The following OPALIN variants were observed in gnomAD, a reference collection of about 807,000 sequenced individuals.
The protein encoded by OPALIN is transmembrane protein 10.
A neutral mutation model predicts 17.8 loss-of-function variants in OPALIN; 15 were observed. The observed-to-expected ratio is 0.84, with a 90% CI of 0.56 to 1.29. The LOEUF (loss-of-function observed/expected upper bound fraction) is 1.29, where lower values mean the gene tolerates loss of function less well. OPALIN is among the 50% of genes most tolerant of loss of function. The pLI, the probability that OPALIN is intolerant of heterozygous loss-of-function variation, is 0.00. For synonymous variants in OPALIN, 62 were observed against 63.8 expected (o/e 0.97, Z 0.14); for missense variants, 170 against 176.0 (o/e 0.97, Z 0.19).
Position 96,346,026 on chromosome 10 carries a change from G to C in OPALIN, c.341C>G (p.Pro114Arg). The stretch of plus-strand genomic sequence containing the variant: ...AGTAGGACGGTAACGGTCATGCACA[G>C]GTTCCTCGCTTCCTGCTACAGTCTT... ...YVKTVAGSEE[P>R]VHDRYRPTIE... Residue 114 changes from proline (P) to arginine (R), a missense_variant, in exon 6 of 6, where the codon CCT (proline) becomes CGT (arginine). Physicochemically the swap from Pro to Arg is moderately radical, Grantham distance 103 (BLOSUM62 -2). Coordinates refer to ENST00000371172, the MANE Select transcript of OPALIN (RefSeq NM_033207.5). The C allele has an allele frequency of 3.1e-6, 5 of 1,614,168 alleles. No homozygotes were observed. Among genetic ancestry groups the C allele is most frequent in the Non-Finnish European group, 4.2e-6 (5 of 1,180,008 alleles).
In OPALIN at chr10:96,343,244, T is replaced by G. The variant is rs1486384176; in HGVS notation, c.*2697A>C. The G allele has an allele frequency of 6.6e-6, 1 of 152,288 alleles. No individual in the cohort carries two copies. Among genetic ancestry groups the G allele is most frequent in the Non-Finnish European group, 1.5e-5 (1 of 68,050 alleles). The allele number at this position is 152,288 out of a possible 1,614,324, so 9.4% of individuals were successfully genotyped here. On this transcript the variant is annotated 3_prime_UTR_variant, in exon 6 of 6. Transcript: ENST00000371172. ...TGTAGGTTCATAAGAATGGCCATTT[T>G]ACTTTTCACTTCATTCCAACATAAG...
intron 1 of OPALIN, chr10:96,357,204 A>T: frequency 1.0e-6 from 1 of 977,878 alleles, no homozygotes; most frequent in Non-Finnish European, 1.2e-6. Flanking sequence ...GGCACTGAGG[A>T]CTGATGTCAG....
At chr10:96,357,630 T>C (rs1164498496) in intron 1 of OPALIN, among the ~76,000 whole-genome samples, 1 of 152,202 alleles carries the variant, frequency 6.6e-6, no homozygotes, top group Non-Finnish European at 1.5e-5. Flanking sequence ...TAACTTGCCT[T>C]GCCCACTTCA....
At chr10:96,347,559 C>T (rs904242416) in intron 5 of OPALIN, among the ~76,000 whole-genome samples, 4 of 152,004 alleles carry the variant, frequency 2.6e-5, no homozygotes, top group Admixed American at 2.0e-4. Context: ...GCAACCTCCA[C>T]CTACCAGGTT....
chr10:96,347,514 C>A (rs1458892923), intron 5 of OPALIN, among the ~76,000 whole-genome samples: 1 of 151,936 alleles, frequency 6.6e-6, no homozygotes, highest in Non-Finnish European at 1.5e-5. Context: ...CTCTTGTCAC[C>A]CGGCTGGAGT....
chr10:96,345,781 T>A lies in OPALIN; in HGVS notation c.*160A>T. ...GAGTTGGAATTAACCATGTTGGGGA[T>A]GTCCCCTAAAGAGACAAATCAGCCC... On this transcript the variant is annotated 3_prime_UTR_variant, in exon 6 of 6. Transcript: ENST00000371172. 1 of 620,808 alleles carries A rather than the reference T, an allele frequency of 1.6e-6. No individual in the cohort carries two copies. Among genetic ancestry groups the A allele is most frequent in the East Asian group, 2.8e-5 (1 of 36,080 alleles). 38.5% of individuals were successfully genotyped at this position (620,808 alleles called of 1,614,324 possible).
At position 96,344,467 on chromosome 10, in the gene OPALIN, A is replaced by AG. The variant is rs1554924908; in HGVS notation, c.*1473dup. On this transcript the variant is annotated 3_prime_UTR_variant, in exon 6 of 6. Transcript: ENST00000371172. ...GAAGAGTACAGAAGAAAAAAAAAAA[A>AG]GGCTGGGGATGGATTGGAAAATGGG... The AG allele has an allele frequency of 6.7e-6, 1 of 150,076 alleles. No homozygotes were observed. 9.3% of individuals were successfully genotyped at this position (150,076 alleles called of 1,614,324 possible).
chr10:96,347,478 A>ATT (rs1381418014), intron 5 of OPALIN, among the ~76,000 whole-genome samples: 2 of 141,194 alleles, frequency 1.4e-5, no homozygotes, highest in South Asian at 4.5e-4. Context: ...ACACTTTCTA[A>ATT]TTTTTTTTTT....
chr10:96,357,055 G>A, intron 1 of OPALIN: 1 of 985,484 alleles, frequency 1.0e-6, no homozygotes, highest in Non-Finnish European at 1.2e-6. Flanking sequence ...AGGGACGTCT[G>A]GGCCTCTTAG....
chr10:96,346,947 T>A (rs75146134), intron 5 of OPALIN, among the ~76,000 whole-genome samples: 12,212 of 152,276 alleles, frequency 0.08, 662 homozygotes, highest in South Asian at 0.15. Flanking sequence ...TCACTTTTTC[T>A]AATTGTTGTT....
intron 2 of OPALIN, chr10:96,353,445 AC>A (rs1781573381): frequency 1.9e-6 from 3 of 1,613,192 alleles, no homozygotes; most frequent in Non-Finnish European, 2.5e-6. Flanking sequence ...AGGATGACCT[AC>A]CATCCGCATT....
chr10:96,347,077 T>TCTTC (rs1466540989), intron 5 of OPALIN, among the ~76,000 whole-genome samples: 1 of 152,006 alleles, frequency 6.6e-6, no homozygotes, highest in Non-Finnish European at 1.5e-5. Context: ...TTTCTTTCTT[T>TCTTC]CTTCCTTTCT....
chr10:96,358,399 A>G (rs1319812138), intron 1 of OPALIN, among the ~76,000 whole-genome samples: 2 of 152,160 alleles, frequency 1.3e-5, no homozygotes, highest in Non-Finnish European at 2.9e-5. Context: ...CCATTCATCC[A>G]CTGATGGACA....
intron 1 of OPALIN, chr10:96,357,244 G>T: frequency 1.4e-6 from 1 of 732,262 alleles, no homozygotes; most frequent in Non-Finnish European, 1.7e-6. Flanking sequence ...CCTTTGGGAG[G>T]ACAGTAGAAG....
Position 96,343,856 on chromosome 10 carries a change from A to T in OPALIN, c.*2085T>A. 1 of 152,184 alleles carries T rather than the reference A, an allele frequency of 6.6e-6. No individual in the cohort carries two copies. Among genetic ancestry groups the T allele is most frequent in the Non-Finnish European group, 1.5e-5 (1 of 68,044 alleles). The allele number at this position is 152,184 out of a possible 1,614,324, so 9.4% of individuals were successfully genotyped here. ...AATCAGAAGCCCTGTGTGAGAAAGG[A>T]ATATTTTCTAGGATATCTGTGTGGC... On this transcript the variant is annotated 3_prime_UTR_variant, in exon 6 of 6. Coordinates refer to ENST00000371172, the MANE Select transcript of OPALIN (RefSeq NM_033207.5).
chr10:96,350,801 G>C (rs1371891577), intron 3 of OPALIN, among the ~76,000 whole-genome samples: 1 of 152,116 alleles, frequency 6.6e-6, no homozygotes, highest in Non-Finnish European at 1.5e-5. Flanking sequence ...AGTTACATAA[G>C]TTTTCAGATT....
chr10:96,346,787 C>A (rs184288283), intron 5 of OPALIN, among the ~76,000 whole-genome samples: 289 of 152,266 alleles, frequency 1.9e-3, no homozygotes, highest in African/African-American at 6.4e-3. Context: ...GCATAGTATG[C>A]AACCCCCATT....
intron 1 of OPALIN, 76 bp from the exon 2 acceptor site, chr10:96,355,366 A>C: frequency 7.4e-7 from 1 of 1,357,134 alleles, no homozygotes; most frequent in South Asian, 1.2e-5. Flanking sequence ...AAACTCACTG[A>C]CCCTGGTGGA....
At position 96,351,185 on chromosome 10, in the gene OPALIN, C is replaced by T. The variant is rs11188729; in HGVS notation, c.72+193G>A. Among the ~76,000 whole-genome samples the T allele has an allele frequency of 8.3e-3, 1,265 of 152,192 alleles. 9 individuals are homozygous for T. Among genetic ancestry groups the T allele is most frequent in the African/African-American group, 0.027 (1,141 of 41,520 alleles). ...TTGTGTCTGGCTTCTTTTGCTCAAC[C>T]CTTTGTGAAATCCATCTGTGATTTT... is the stretch of plus-strand genomic sequence containing the variant. On this transcript the variant is annotated intron_variant, in intron 3 of 5. Transcript: ENST00000371172.
Sources: gnomAD v4.1 joint callset for allele counts (sites outside exome capture counted in the v4.1 genomes callset) on GRCh38, gnomAD v4.1.1 for gene constraint, MANE v1.5 for transcripts, NCBI Gene and HGNC (gene_info 2026-07-23, HGNC 2026-07-21) for gene names.